The following ULK4 variants were observed in gnomAD, a reference collection of about 807,000 sequenced individuals.
The protein encoded by ULK4 is unc-51 like kinase 4, also known as inactive serine/threonine-protein kinase ULK4.
ULK4 carries 133 observed loss-of-function variants against 160.6 expected under a neutral mutation model. That is an observed-to-expected ratio of 0.83 (90% confidence interval 0.72 to 0.96). The LOEUF (loss-of-function observed/expected upper bound fraction) is 0.96. Ranked by LOEUF, ULK4 falls within the 40% of genes least tolerant of loss-of-function variation. ULK4 has a pLI of 0.00. For synonymous variants in ULK4, 534 were observed against 539.8 expected, an observed-to-expected ratio of 0.99 and a Z score of 0.15; for missense variants, 1,580 against 1,499.5, an observed-to-expected ratio of 1.05 and a Z score of -0.89.
chr3:41,541,866 T>C (rs2086707566), intron 32 of ULK4, among the ~76,000 whole-genome samples: 1 of 152,212 alleles, frequency 6.6e-6, no homozygotes, highest in South Asian at 2.1e-4. Context: ...CACATTGATT[T>C]TGTATCCTGA....
At chr3:41,377,753 G>C in intron 35 of ULK4, among the ~76,000 whole-genome samples, 1 of 148,336 alleles carries the variant, frequency 6.7e-6, no homozygotes, top group Middle Eastern at 3.4e-3. Flanking sequence ...TGGAGAAATA[G>C]GAACACTTTT....
At chr3:41,318,754 A>G (rs574767276) in intron 35 of ULK4, among the ~76,000 whole-genome samples, 1 of 152,206 alleles carries the variant, frequency 6.6e-6, no homozygotes, top group South Asian at 2.1e-4. Context: ...GTGAGGTCAG[A>G]GCAATTCTAG....
intron 34 of ULK4, among the ~76,000 whole-genome samples, chr3:41,451,785 T>G (rs571095819): frequency 6.6e-6 from 1 of 152,264 alleles, no homozygotes; most frequent in African/African-American, 2.4e-5. Flanking sequence ...CAAATGAAAC[T>G]GCTACTTTTG....
chr3:41,648,836 T>TA (rs1236356173), intron 30 of ULK4, among the ~76,000 whole-genome samples: 1 of 152,072 alleles, frequency 6.6e-6, no homozygotes, highest in African/African-American at 2.4e-5. Flanking sequence ...GAAAACGCAG[T>TA]AAAAAGCCAG....
At chr3:41,303,966 G>A (rs972105958) in intron 35 of ULK4, among the ~76,000 whole-genome samples, 3 of 152,110 alleles carry the variant, frequency 2.0e-5, no homozygotes, top group African/African-American at 7.2e-5. Context: ...TATTGTATTT[G>A]GATGCTAAAG....
chr3:41,733,504 A>C (rs1381120130), intron 22 of ULK4, among the ~76,000 whole-genome samples: 1 of 152,090 alleles, frequency 6.6e-6, no homozygotes, highest in African/African-American at 2.4e-5. Flanking sequence ...CAGACTTCCA[A>C]ACCAGTACAT....
intron 32 of ULK4, among the ~76,000 whole-genome samples, chr3:41,477,274 A>C (rs1236546427): frequency 6.6e-6 from 1 of 152,208 alleles, no homozygotes; most frequent in East Asian, 1.9e-4. Flanking sequence ...ATATACATGA[A>C]CTGTTCCCAA....
chr3:41,329,057 A>G (rs1207490523), intron 35 of ULK4, among the ~76,000 whole-genome samples: 1 of 152,122 alleles, frequency 6.6e-6, no homozygotes, highest in Non-Finnish European at 1.5e-5. Context: ...CTCCTCCCAG[A>G]CCCTAGTAAT....
At chr3:41,713,810 T>G (rs546020768) in intron 25 of ULK4, among the ~76,000 whole-genome samples, 33 of 152,264 alleles carry the variant, frequency 2.2e-4, no homozygotes, top group African/African-American at 6.3e-4. Context: ...CTCCCCAATA[T>G]ACATAGAATT....
intron 29 of ULK4, among the ~76,000 whole-genome samples, chr3:41,677,914 C>T (rs894962986): frequency 6.6e-6 from 1 of 152,196 alleles, no homozygotes; most frequent in Admixed American, 6.6e-5. Context: ...TGAATCTCAT[C>T]CAATCAAAGA....
At chr3:41,770,619 T>C (rs9832185) in intron 21 of ULK4, among the ~76,000 whole-genome samples, 8,412 of 151,320 alleles carry the variant, frequency 0.056, 415 homozygotes, top group East Asian at 0.17. Flanking sequence ...CAAGTGATCC[T>C]CCTGCCTCAC....
chr3:41,781,118 G>T (rs187153343), intron 21 of ULK4, among the ~76,000 whole-genome samples: 1 of 151,850 alleles, frequency 6.6e-6, no homozygotes, highest in East Asian at 1.9e-4. Flanking sequence ...GCAAGAGAGA[G>T]GAGAGACAGA....
chr3:41,556,543 A>G (rs368788174), intron 32 of ULK4, among the ~76,000 whole-genome samples: 134 of 134,202 alleles, frequency 1.0e-3, no homozygotes, highest in African/African-American at 3.6e-3. Flanking sequence ...GCTGGAGTGC[A>G]GTGGCACAAT....
intron 2 of ULK4, among the ~76,000 whole-genome samples, chr3:41,952,631 G>A (rs1700329302): frequency 6.6e-6 from 1 of 152,068 alleles, no homozygotes; most frequent in Admixed American, 6.6e-5. Flanking sequence ...ATGAGAAGAT[G>A]GCAGAGCTGC....
chr3:41,663,484 A>C, intron 30 of ULK4, 123 bp downstream of exon 30: 1 of 873,320 alleles, frequency 1.1e-6, no homozygotes, highest in Non-Finnish European at 1.8e-6. Flanking sequence ...AACTTAAAAA[A>C]ATGACGATTT....
intron 19 of ULK4, among the ~76,000 whole-genome samples, chr3:41,802,518 C>T (rs60927633): frequency 0.12 from 18,836 of 152,040 alleles, 1,348 homozygotes; most frequent in Middle Eastern, 0.27. Flanking sequence ...AGGCTGAACT[C>T]GAACTCCTTG....
intron 35 of ULK4, among the ~76,000 whole-genome samples, chr3:41,377,359 C>A (rs2081528104): frequency 6.6e-6 from 1 of 151,456 alleles, no homozygotes; most frequent in South Asian, 2.1e-4. Flanking sequence ...CAACAAAAGA[C>A]AAAATTGACA....
At chr3:41,686,635 A>G (rs1388120454) in intron 27 of ULK4, among the ~76,000 whole-genome samples, 2 of 152,238 alleles carry the variant, frequency 1.3e-5, no homozygotes, top group East Asian at 3.8e-4. Context: ...GATTTGCTCA[A>G]GATGACATAG....
intron 2 of ULK4, among the ~76,000 whole-genome samples, chr3:41,941,801 A>G (rs975105191): frequency 4.0e-5 from 6 of 149,322 alleles, no homozygotes; most frequent in African/African-American, 1.2e-4. Context: ...TGTAAAACTA[A>G]TAAGCCACCA....
Sources: allele counts gnomAD v4.1 joint callset (sites outside exome capture counted in the v4.1 genomes callset), GRCh38; gene constraint gnomAD v4.1.1; transcripts MANE v1.5; gene names NCBI Gene and HGNC (gene_info 2026-07-23, HGNC 2026-07-21).